The following SLC8A1 variants were observed in gnomAD, a reference collection of about 807,000 sequenced individuals.
The protein encoded by SLC8A1 is sodium/calcium exchanger 1.
SLC8A1 carries 18 observed loss-of-function variants against 68.3 expected under a neutral mutation model. The ratio of observed to expected loss-of-function variants is 0.26; its 90% CI spans 0.18 to 0.39. The LOEUF (loss-of-function observed/expected upper bound fraction) is 0.39. Ranked by LOEUF, SLC8A1 falls within the 10% of genes least tolerant of loss-of-function variation. The pLI, the probability that SLC8A1 is intolerant of heterozygous loss-of-function variation, is 1.00. For synonymous variants in SLC8A1, 475 were observed against 415.5 expected (o/e 1.14, Z -1.74); for missense variants, 985 against 1,156.7 (o/e 0.85, Z 2.15).
intron 2 of SLC8A1, among the ~76,000 whole-genome samples, chr2:40,315,078 G>C (rs1313556816): frequency 6.6e-6 from 1 of 151,940 alleles, no homozygotes; most frequent in Non-Finnish European, 1.5e-5. Context: ...AATATTAGGA[G>C]AGAAGCATTC....
intron 2 of SLC8A1, among the ~76,000 whole-genome samples, chr2:40,184,870 CA>C (rs1352198387): frequency 8.1e-6 from 1 of 124,094 alleles, no homozygotes; most frequent in African/African-American, 3.2e-5. Context: ...ACTCCTCTTA[CA>C]GCTTACAAAG....
chr2:40,149,193 G>C (rs150117553), intron 6 of SLC8A1, among the ~76,000 whole-genome samples: 44 of 152,286 alleles, frequency 2.9e-4, no homozygotes, highest in African/African-American at 9.4e-4. Context: ...TCTTCAAAGG[G>C]AATGGGATGG....
At chr2:40,185,429 A>G (rs950924295) in intron 2 of SLC8A1, among the ~76,000 whole-genome samples, 2 of 152,212 alleles carry the variant, frequency 1.3e-5, no homozygotes, top group African/African-American at 4.8e-5. Context: ...TGATGTAGTG[A>G]TACATGCTAC....
At chr2:40,493,991 A>T (rs1705511825) in intron 1 of SLC8A1, among the ~76,000 whole-genome samples, 1 of 151,128 alleles carries the variant, frequency 6.6e-6, no homozygotes, top group Non-Finnish European at 1.5e-5. Flanking sequence ...TCCTTCTTCA[A>T]ATATTAATAC....
At chr2:40,327,393 CA>C (rs1202271815) in intron 2 of SLC8A1, among the ~76,000 whole-genome samples, 2 of 152,104 alleles carry the variant, frequency 1.3e-5, no homozygotes, top group African/African-American at 4.8e-5. Flanking sequence ...AATAAAGTCC[CA>C]AAAGAGGCAT....
chr2:40,220,388 G>A (rs1243660948), intron 2 of SLC8A1: 1 of 152,196 alleles, frequency 6.6e-6, no homozygotes, highest in South Asian at 2.1e-4. Flanking sequence ...GGTCATTAGT[G>A]AGTCATGTTT....
intron 1 of SLC8A1, among the ~76,000 whole-genome samples, chr2:40,493,531 A>G (rs1173272034): frequency 6.6e-6 from 1 of 151,806 alleles, no homozygotes; most frequent in Non-Finnish European, 1.5e-5. Flanking sequence ...TTTAAAAAAA[A>G]AGAAGCTTAG....
intron 2 of SLC8A1, among the ~76,000 whole-genome samples, chr2:40,209,391 A>G (rs1574084472): frequency 6.6e-6 from 1 of 152,150 alleles, no homozygotes. Context: ...CTATGGCTGG[A>G]GAAAAATGAT....
chr2:40,218,402 A>T (rs1356313682), intron 2 of SLC8A1, among the ~76,000 whole-genome samples: 1 of 152,232 alleles, frequency 6.6e-6, no homozygotes, highest in Non-Finnish European at 1.5e-5. Flanking sequence ...ATAACAAAAA[A>T]TTTGATATGA....
At chr2:40,241,035 A>G (rs1287685997) in intron 2 of SLC8A1, among the ~76,000 whole-genome samples, 2 of 152,236 alleles carry the variant, frequency 1.3e-5, no homozygotes, top group African/African-American at 4.8e-5. Flanking sequence ...TCTACCAAAA[A>G]GGCACATGGA....
At chr2:40,160,336 A>G (rs2045449240) in intron 6 of SLC8A1, among the ~76,000 whole-genome samples, 1 of 152,184 alleles carries the variant, frequency 6.6e-6, no homozygotes, top group Admixed American at 6.5e-5. Context: ...GTTGTTGAAG[A>G]GAGTGTAAAA....
intron 2 of SLC8A1, among the ~76,000 whole-genome samples, chr2:40,366,953 G>A (rs1439636725): frequency 6.6e-6 from 1 of 151,868 alleles, no homozygotes; most frequent in African/African-American, 2.4e-5. Flanking sequence ...TTTAGGTTCG[G>A]TATATTAAAA....
intron 2 of SLC8A1, among the ~76,000 whole-genome samples, chr2:40,342,322 T>C (rs1412566938): frequency 6.6e-6 from 1 of 152,146 alleles, no homozygotes; most frequent in East Asian, 1.9e-4. Flanking sequence ...GGATCTCTAA[T>C]TAATAAATGA....
At chr2:40,149,435 TG>T (rs2043027131) in intron 6 of SLC8A1, among the ~76,000 whole-genome samples, 1 of 152,210 alleles carries the variant, frequency 6.6e-6, no homozygotes, top group African/African-American at 2.4e-5. Flanking sequence ...GTCTGGTGAC[TG>T]GGAGGCCGAG....
chr2:40,254,593 CTTTT>C (rs1281028021), intron 2 of SLC8A1: 3 of 151,922 alleles, frequency 2.0e-5, no homozygotes, highest in African/African-American at 7.3e-5. Flanking sequence ...TTAAAAATTT[CTTTT>C]TTATTATTTC....
At chr2:40,464,592 C>A (rs763771583) in intron 1 of SLC8A1, among the ~76,000 whole-genome samples, 4 of 152,138 alleles carry the variant, frequency 2.6e-5, no homozygotes, top group African/African-American at 7.2e-5. Context: ...GTATCATATA[C>A]CCCTAGAGTT....
intron 7 of SLC8A1, among the ~76,000 whole-genome samples, chr2:40,129,474 G>A (rs901664839): frequency 1.3e-5 from 2 of 152,056 alleles, no homozygotes; most frequent in Admixed American, 6.6e-5. Context: ...GGACTAAAGC[G>A]ATCCTCCTGC....
intron 4 of SLC8A1, among the ~76,000 whole-genome samples, chr2:40,165,430 C>T (rs940334119): frequency 6.6e-6 from 1 of 152,114 alleles, no homozygotes; most frequent in Non-Finnish European, 1.5e-5. Context: ...TTCCTCTTCA[C>T]TTTCTAGGGG....
intron 1 of SLC8A1, among the ~76,000 whole-genome samples, chr2:40,441,078 G>C (rs1411505793): frequency 6.6e-6 from 1 of 152,110 alleles, no homozygotes; most frequent in Non-Finnish European, 1.5e-5. Context: ...AACTTCAGCA[G>C]TCTCAGGAAA....
Sources: gnomAD v4.1 joint callset for allele counts (sites outside exome capture counted in the v4.1 genomes callset) on GRCh38, gnomAD v4.1.1 for gene constraint, MANE v1.5 for transcripts, NCBI Gene and HGNC (gene_info 2026-07-23, HGNC 2026-07-21) for gene names.